Variants in TXNDC8 observed in about 807,000 individuals in gnomAD.
TXNDC8 encodes the protein thioredoxin domain containing 8.
In TXNDC8, 15 loss-of-function variants were observed where a neutral mutation model predicts 12.9. The ratio of observed to expected loss-of-function variants is 1.16; its 90% CI spans 0.78 to 1.79. The LOEUF is 1.79. TXNDC8 is among the 40% of genes most tolerant of loss of function. The pLI, the probability that TXNDC8 is intolerant of heterozygous loss-of-function variation, is 0.00. For synonymous variants in TXNDC8, 40 were observed against 35.4 expected, an observed-to-expected ratio of 1.13 and a Z score of -0.46; for missense variants, 128 against 113.2, an observed-to-expected ratio of 1.13 and a Z score of -0.59.
At chr9:110,333,993 G>T (rs984544229) in intron 2 of TXNDC8, among the ~76,000 whole-genome samples, 4 of 152,160 alleles carry the variant, frequency 2.6e-5, no homozygotes, top group African/African-American at 7.2e-5. Flanking sequence ...ATCTTGGGAT[G>T]TTCTTGCAGA....
intron 3 of TXNDC8, among the ~76,000 whole-genome samples, chr9:110,312,567 A>T (rs1838728196): frequency 6.6e-6 from 1 of 152,230 alleles, no homozygotes; most frequent in South Asian, 2.1e-4. Context: ...TAGGCATTTG[A>T]TGGTACAAAT....
rs372075954 is a variant in TXNDC8 at position 110,325,746 on chromosome 9, C to T, written c.195+429G>A. On this transcript the variant is annotated intron_variant, in intron 3 of 4. Transcript: ENST00000423740. ...GTGTTAGCCAGGATGGTCTCTATCT[C>T]GTGACCTTGTGATCTGCCCGCCTTG... 1.2e-4 allele frequency among the ~76,000 whole-genome samples: 18 copies of T among 152,254 alleles called. No homozygotes were observed. In the South Asian group the frequency reaches 1.2e-3, roughly 11 times the overall value.
At position 110,303,527 on chromosome 9, in the gene TXNDC8, T is replaced by A. The variant is rs764159196; in HGVS notation, c.*155A>T. ...TTTTGCCTTGGAGATCAGCTTACAT[T>A]AATTCTTGAGTCTTGGCTTCCAATT... is the stretch of plus-strand genomic sequence containing the variant. On this transcript the variant is annotated 3_prime_UTR_variant, in exon 5 of 5. Coordinates refer to ENST00000423740, the MANE Select transcript of TXNDC8 (RefSeq NM_001286946.2). 5 of 1,527,458 alleles carry A rather than the reference T, an allele frequency of 3.3e-6. No homozygotes were observed. The South Asian group carries it at 6.0e-5, about 18-fold the overall frequency. The allele number at this position is 1,527,458 out of a possible 1,614,324, so 94.6% of individuals were successfully genotyped here.
intron 3 of TXNDC8, among the ~76,000 whole-genome samples, chr9:110,320,392 A>G (rs1839045592): frequency 6.6e-6 from 1 of 152,176 alleles, no homozygotes; most frequent in African/African-American, 2.4e-5. Flanking sequence ...CTTGCCTGCC[A>G]TCATATAAGA....
chr9:110,333,926 A>G (rs1267811580), intron 2 of TXNDC8, among the ~76,000 whole-genome samples: 3 of 152,224 alleles, frequency 2.0e-5, no homozygotes, highest in Non-Finnish European at 4.4e-5. Flanking sequence ...CTTTGGTAAA[A>G]TGTCATTGCT....
chr9:110,311,290 A>C (rs191360465), intron 3 of TXNDC8, among the ~76,000 whole-genome samples: 271 of 152,076 alleles, frequency 1.8e-3, no homozygotes, highest in Admixed American at 4.9e-3. Context: ...AACTCATCAT[A>C]ATTGAGAATC....
chr9:110,334,227 G>A lies in TXNDC8; in HGVS notation c.118C>T (p.Pro40Ser), dbSNP rs372879150. 4.2e-5 allele frequency: 68 copies of A among 1,611,688 alleles called. No individual in the cohort carries two copies. In the African/African-American group the frequency reaches 7.3e-4, roughly 17 times the overall value. ...CTGGTTGTACTCACATGGAAAACAG[G>A]AAACATCCTTTTGCAGGGACCACAC... Residue 40 changes from proline to serine, a missense_variant, in exon 2 of 5, where the codon CCT (proline) becomes TCT (serine). Transcript: ENST00000423740.
chr9:110,309,489 C>A (rs531626929), intron 3 of TXNDC8, among the ~76,000 whole-genome samples: 1 of 152,272 alleles, frequency 6.6e-6, no homozygotes, highest in East Asian at 1.9e-4. Context: ...GCATGCACCA[C>A]CATGCCTGGC....
intron 3 of TXNDC8, among the ~76,000 whole-genome samples, chr9:110,311,678 T>TGTA (rs1838687943): frequency 1.7e-3 from 201 of 115,858 alleles, no homozygotes; most frequent in African/African-American, 6.8e-3. Flanking sequence ...TAGTATATCC[T>TGTA]TATATATATA....
At chr9:110,304,637 G>T in intron 3 of TXNDC8, 105 bp from the exon 5 acceptor site, 1 of 1,025,544 alleles carries the variant, frequency 9.8e-7, no homozygotes, top group Non-Finnish European at 1.4e-6. Context: ...GAAGGTGTCA[G>T]AAAGGATCTG....
At chr9:110,327,326 ATT>A (rs59735243) in intron 2 of TXNDC8, among the ~76,000 whole-genome samples, 16 of 114,182 alleles carry the variant, frequency 1.4e-4, no homozygotes, top group African/African-American at 6.7e-4. Flanking sequence ...TATACTATAT[ATT>A]TTTTTTTTTT....
At chr9:110,322,468 TA>T (rs1839140954) in intron 3 of TXNDC8, 1 of 985,396 alleles carries the variant, frequency 1.0e-6, no homozygotes, top group Non-Finnish European at 1.2e-6. Flanking sequence ...CAGTTAGATA[TA>T]ATTGTTTATA....
intron 3 of TXNDC8, among the ~76,000 whole-genome samples, chr9:110,317,219 G>C (rs1838916565): frequency 2.0e-5 from 3 of 152,176 alleles, no homozygotes; most frequent in Admixed American, 6.5e-5. Flanking sequence ...GAAGTGTAGG[G>C]TGAAACTTTA....
At chr9:110,334,768 T>G (rs1360063835) in intron 1 of TXNDC8, among the ~76,000 whole-genome samples, 2 of 152,204 alleles carry the variant, frequency 1.3e-5, no homozygotes, top group Non-Finnish European at 2.9e-5. Context: ...GGAGGTGAAC[T>G]GCTGTTCAGG....
downstream of TXNDC8, among the ~76,000 whole-genome samples, chr9:110,302,382 TG>T (rs1838288071): frequency 6.6e-6 from 1 of 152,186 alleles, no homozygotes; most frequent in Non-Finnish European, 1.5e-5. Context: ...GCAATCCACC[TG>T]CCTTGACCTC....
At chr9:110,317,989 A>G (rs79085719) in intron 3 of TXNDC8, among the ~76,000 whole-genome samples, 2,441 of 152,332 alleles carry the variant, frequency 0.016, 73 homozygotes, top group African/African-American at 0.056. Flanking sequence ...TTGCATACAC[A>G]TCAATATTGA....
rs1373282392 is a variant in TXNDC8, at chr9:110,337,840, G to T, written c.-44C>A. 1.3e-6 allele frequency: 2 copies of T among 1,598,150 alleles called. No homozygotes were observed. The highest frequency in any genetic ancestry group is 1.7e-6 in the Non-Finnish European group (2 of 1,166,098). On this transcript the variant is annotated 5_prime_UTR_variant, in exon 1 of 5. Transcript: ENST00000423740. ...CTGATGAAAATCCCCTGTTGGTTTA[G>T]TTGGATCACTGTAGCTGTCTCCTAT...
chr9:110,334,381 GA>G (rs1476933083), intron 1 of TXNDC8, 61 bp from the exon 2 acceptor site: 2 of 1,441,390 alleles, frequency 1.4e-6, no homozygotes, highest in Non-Finnish European at 1.9e-6. Context: ...ACATTTTGTA[GA>G]GAAGAAGATG....
chr9:110,308,113 A>G (rs530137466), intron 3 of TXNDC8, among the ~76,000 whole-genome samples: 35 of 152,362 alleles, frequency 2.3e-4, no homozygotes, highest in Middle Eastern at 3.4e-3. Context: ...GCTCAAACCA[A>G]TAGGACAATT....
Sources: allele counts gnomAD v4.1 joint callset (sites outside exome capture counted in the v4.1 genomes callset), GRCh38; gene constraint gnomAD v4.1.1; transcripts MANE v1.5; gene names NCBI Gene and HGNC (gene_info 2026-07-23, HGNC 2026-07-21).